Variants in TSPAN9 observed in about 807,000 individuals in gnomAD.
TSPAN9 encodes the protein tetraspanin-9.
A neutral mutation model predicts 31.0 loss-of-function variants in TSPAN9; 16 were observed. The observed-to-expected ratio is 0.52, with a 90% confidence interval of 0.35 to 0.78. The LOEUF is 0.78. Among genes scored for constraint, TSPAN9 ranks in the 30% least tolerant of loss-of-function variants. TSPAN9 has a pLI of 0.01. For synonymous variants in TSPAN9, 145 were observed against 121.6 expected (o/e 1.19, Z -1.27); for missense variants, 272 against 312.5 (o/e 0.87, Z 0.98).
intron 2 of TSPAN9, among the ~76,000 whole-genome samples, chr12:3,169,666 A>T (rs986534956): frequency 6.6e-6 from 1 of 152,242 alleles, no homozygotes; most frequent in African/African-American, 2.4e-5. Context: ...CAGCTAGAAA[A>T]GGCCTAGATC....
At chr12:3,091,551 C>G (rs1254796668) in intron 2 of TSPAN9, among the ~76,000 whole-genome samples, 2 of 152,314 alleles carry the variant, frequency 1.3e-5, no homozygotes, top group South Asian at 2.1e-4. Flanking sequence ...AATCATTCAT[C>G]AAACTTACCT....
chr12:3,084,523 C>T (rs2098299451), intron 2 of TSPAN9, among the ~76,000 whole-genome samples: 1 of 152,072 alleles, frequency 6.6e-6, no homozygotes, highest in South Asian at 2.1e-4. Flanking sequence ...TCTGTGAGTT[C>T]CAGCAGGGAT....
chr12:3,077,631 A>T (rs2098295745), intron 1 of TSPAN9, among the ~76,000 whole-genome samples, 178 bp downstream of exon 1: 1 of 134,154 alleles, frequency 7.5e-6, no homozygotes, highest in Admixed American at 7.5e-5. Context: ...CGAGAGGACG[A>T]GGAACAGAGT....
chr12:3,218,936 G>C (rs2098382831), intron 3 of TSPAN9, among the ~76,000 whole-genome samples: 1 of 152,216 alleles, frequency 6.6e-6, no homozygotes, highest in Admixed American at 6.5e-5. Context: ...AGAGGTCGCA[G>C]AAAACCATGG....
intron 3 of TSPAN9, among the ~76,000 whole-genome samples, chr12:3,236,066 C>A (rs1355222917): frequency 6.6e-6 from 1 of 152,220 alleles, no homozygotes; most frequent in Non-Finnish European, 1.5e-5. Context: ...TAGGGGCAGG[C>A]TCTGCTGTTG....
At chr12:3,137,972 C>T (rs999224515) in intron 2 of TSPAN9, among the ~76,000 whole-genome samples, 3 of 152,194 alleles carry the variant, frequency 2.0e-5, no homozygotes, top group Non-Finnish European at 2.9e-5. Flanking sequence ...CGAGGAAGGT[C>T]GTGTGAGGAG....
chr12:3,267,229 C>A (rs1289034868), intron 3 of TSPAN9, among the ~76,000 whole-genome samples: 3 of 152,222 alleles, frequency 2.0e-5, no homozygotes, highest in Non-Finnish European at 2.9e-5. Flanking sequence ...AAGATGGTAT[C>A]CTTGTCCTGT....
In TSPAN9 at chr12:3,225,375, G is replaced by A. The variant is rs187902651; in HGVS notation, c.63+24119G>A. ...ACGCACAGGACAGCCTGTCCTGTGC[G>A]GTGGCGGTCACAGCATTTTCTCTAC... is the stretch of plus-strand genomic sequence containing the variant. On this transcript the variant is annotated intron_variant, in intron 3 of 8. Transcript: ENST00000011898. 6.5e-3 allele frequency among the ~76,000 whole-genome samples: 991 copies of A among 152,244 alleles called. 2 individuals are homozygous for A. The highest frequency in any genetic ancestry group is 0.01 in the Non-Finnish European group (704 of 68,004).
At chr12:3,184,703 C>T (rs1409077678) in intron 2 of TSPAN9, among the ~76,000 whole-genome samples, 1 of 152,204 alleles carries the variant, frequency 6.6e-6, no homozygotes, top group Non-Finnish European at 1.5e-5. Context: ...TGTGACCCGT[C>T]CTGCCCTGCA....
rs984637359 is a variant in TSPAN9, at chr12:3,147,630, G to A, written c.-17-53547G>A. ...TGTACCGCCCAGTACAGTAGCCACC[G>A]GCTACATGTGGCCGTTGAGCATTGA... On this transcript the variant is annotated intron_variant, in intron 2 of 8. Transcript: ENST00000011898. The surrounding 1 kb of genome is among the most constrained non-coding windows in gnomAD (Gnocchi z 4.3). Among the ~76,000 whole-genome samples, 3 of 152,212 alleles carry A rather than the reference G, an allele frequency of 2.0e-5. No individual in the cohort carries two copies. The highest frequency in any genetic ancestry group is 4.8e-5 in the African/African-American group (2 of 41,458).
chr12:3,224,331 A>G (rs2098386045), intron 3 of TSPAN9, among the ~76,000 whole-genome samples: 1 of 152,236 alleles, frequency 6.6e-6, no homozygotes, highest in African/African-American at 2.4e-5. Flanking sequence ...ACACTGTGCT[A>G]GGCGCCCTCA....
intron 3 of TSPAN9, among the ~76,000 whole-genome samples, chr12:3,269,808 C>T (rs942319127): frequency 2.6e-5 from 4 of 152,246 alleles, no homozygotes; most frequent in African/African-American, 7.2e-5. Flanking sequence ...CGCACCCCCT[C>T]TCGTGGCTGC....
chr12:3,228,562 A>G (rs1412327859), intron 3 of TSPAN9, among the ~76,000 whole-genome samples: 2 of 152,186 alleles, frequency 1.3e-5, no homozygotes, highest in Non-Finnish European at 2.9e-5. Context: ...AAAAGGCCCC[A>G]CTATTGGCAG....
intron 2 of TSPAN9, among the ~76,000 whole-genome samples, chr12:3,154,421 A>G (rs560780039): frequency 6.6e-6 from 1 of 152,320 alleles, no homozygotes; most frequent in South Asian, 2.1e-4. Context: ...CCCCATTCAA[A>G]GCAAGAGAAA....
At chr12:3,164,393 G>A (rs1306344073) in intron 2 of TSPAN9, among the ~76,000 whole-genome samples, 6 of 152,212 alleles carry the variant, frequency 3.9e-5, no homozygotes, top group Non-Finnish European at 8.8e-5. Flanking sequence ...ATATGTGTTT[G>A]TCCAATAAAT....
At chr12:3,134,330 G>A (rs2098331122) in intron 2 of TSPAN9, among the ~76,000 whole-genome samples, 1 of 152,180 alleles carries the variant, frequency 6.6e-6, no homozygotes, top group Admixed American at 6.5e-5. Flanking sequence ...AAGGTCACTG[G>A]CACTTTAGCA....
At chr12:3,214,693 C>T (rs1331173398) in intron 3 of TSPAN9, among the ~76,000 whole-genome samples, 1 of 152,084 alleles carries the variant, frequency 6.6e-6, no homozygotes, top group Non-Finnish European at 1.5e-5. Context: ...GGAGGGCCTT[C>T]ACGCCCTCTA....
At chr12:3,163,566 G>A (rs984787134) in intron 2 of TSPAN9, among the ~76,000 whole-genome samples, 6 of 152,176 alleles carry the variant, frequency 3.9e-5, no homozygotes, top group Admixed American at 2.0e-4. Context: ...GTCACACATC[G>A]TTGGTGCTGG....
At chr12:3,246,448 T>C (rs1862128563) in intron 3 of TSPAN9, among the ~76,000 whole-genome samples, 1 of 152,182 alleles carries the variant, frequency 6.6e-6, no homozygotes, top group Admixed American at 6.5e-5. Flanking sequence ...GAACTTTGGC[T>C]GCCTTGGCAG....
Sources: allele counts gnomAD v4.1 joint callset (sites outside exome capture counted in the v4.1 genomes callset), GRCh38; gene constraint gnomAD v4.1.1; non-coding constraint Gnocchi (gnomAD v3.1); transcripts MANE v1.5; gene names NCBI Gene and HGNC (gene_info 2026-07-23, HGNC 2026-07-21).